Variants in C1orf21 observed in about 807,000 individuals in gnomAD.
C1orf21 encodes chromosome 1 open reading frame 21.
A neutral mutation model predicts 18.7 loss-of-function variants in C1orf21; 3 were observed. The observed-to-expected ratio is 0.16, with a 90% CI of 0.07 to 0.42. The LOEUF is 0.42. Among genes scored for constraint, C1orf21 ranks in the 10% least tolerant of loss-of-function variants. C1orf21 has a pLI of 0.99. For missense variants in C1orf21, 104 were observed against 143.6 expected (o/e 0.72, Z 1.41); for synonymous variants, 41 against 46.4 (o/e 0.88, Z 0.47).
intron 3 of C1orf21, among the ~76,000 whole-genome samples, chr1:184,510,167 A>G (rs545448911): frequency 2.6e-4 from 39 of 152,342 alleles, no homozygotes; most frequent in African/African-American, 8.4e-4. Flanking sequence ...AATACTTATT[A>G]TGTATTTATT....
rs1181540915 is a variant in C1orf21, at chr1:184,621,498, C to G, written c.*1942C>G. 1 of 152,574 alleles carries G rather than the reference C, an allele frequency of 6.6e-6. No homozygotes were observed. Among genetic ancestry groups the G allele is most frequent in the African/African-American group, 2.4e-5 (1 of 41,418 alleles). The allele number at this position is 152,574 out of a possible 1,614,324, so 9.5% of individuals were successfully genotyped here. On this transcript the variant is annotated 3_prime_UTR_variant, in exon 6 of 6. Transcript: ENST00000235307. ...CACAACTGTAAACAAACTGCTAAGCCCCACCTCAAACTTGTTCACTGGGGA... is the reference window on the plus strand; with the variant it reads ...CACAACTGTAAACAAACTGCTAAGCGCCACCTCAAACTTGTTCACTGGGGA...
chr1:184,442,260 GA>G (rs1446770008), intron 1 of C1orf21, among the ~76,000 whole-genome samples: 2 of 152,104 alleles, frequency 1.3e-5, no homozygotes, highest in African/African-American at 2.4e-5. Context: ...CATGATCATA[GA>G]ATCCAGGTTG....
In C1orf21 at chr1:184,544,378, A is replaced by G. The variant is rs77436039; in HGVS notation, c.189+36696A>G. On this transcript the variant is annotated intron_variant, in intron 3 of 5. Transcript: ENST00000235307. ...CTGTGCATTGCTGATGAAGCCTGGT[A>G]TGTGCCCCAAAGAACTTTTGAAATT... Among the ~76,000 whole-genome samples the G allele has an allele frequency of 5.0e-3, 754 of 152,240 alleles. 7 individuals carry two copies. Among genetic ancestry groups the G allele is most frequent in the African/African-American group, 0.017 (717 of 41,544 alleles).
intron 3 of C1orf21, chr1:184,566,906 C>T: frequency 2.0e-6 from 1 of 509,098 alleles, no homozygotes; most frequent in Non-Finnish European, 4.0e-6. Flanking sequence ...GTATTGTCTT[C>T]TCCATCCTAT....
chr1:184,488,700 C>G (rs1275316493), intron 2 of C1orf21, among the ~76,000 whole-genome samples: 1 of 152,224 alleles, frequency 6.6e-6, no homozygotes. Context: ...CACAGTGGCT[C>G]ACGCCTATAA....
intron 3 of C1orf21, among the ~76,000 whole-genome samples, chr1:184,586,887 G>GT (rs2101997364): frequency 6.6e-6 from 1 of 152,200 alleles, no homozygotes; most frequent in Admixed American, 6.5e-5. Context: ...TGTTGCCTAG[G>GT]TTGTCTTCCA....
chr1:184,506,892 A>G (rs974372104), intron 2 of C1orf21, among the ~76,000 whole-genome samples: 3 of 152,128 alleles, frequency 2.0e-5, no homozygotes, highest in Admixed American at 2.0e-4. Flanking sequence ...GCCTTGACTG[A>G]TGTACCTACC....
chr1:184,556,589 A>T (rs114672865), intron 3 of C1orf21, among the ~76,000 whole-genome samples: 2,413 of 152,316 alleles, frequency 0.016, 67 homozygotes, highest in African/African-American at 0.055. Context: ...TTTCAGATTT[A>T]TGTGGTCAAA....
At chr1:184,578,942 T>C (rs1659233131) in intron 3 of C1orf21, among the ~76,000 whole-genome samples, 1 of 151,552 alleles carries the variant, frequency 6.6e-6, no homozygotes, top group Non-Finnish European at 1.5e-5. Flanking sequence ...ATCCGTCATT[T>C]AGTCCATCAC....
chr1:184,479,671 G>A (rs1657624463), intron 2 of C1orf21, among the ~76,000 whole-genome samples: 1 of 144,198 alleles, frequency 6.9e-6, no homozygotes, highest in Non-Finnish European at 1.5e-5. Flanking sequence ...CTAGGCTGGA[G>A]TGCAGTGGTG....
chr1:184,412,052 G>A (rs1315993856), intron 1 of C1orf21: 1 of 152,174 alleles, frequency 6.6e-6, no homozygotes, highest in African/African-American at 2.4e-5. Context: ...GGATTCTGTG[G>A]CAAGGATTAC....
At chr1:184,612,948 TC>T (rs1470711553) in intron 5 of C1orf21, among the ~76,000 whole-genome samples, 5 of 152,192 alleles carry the variant, frequency 3.3e-5, no homozygotes, top group African/African-American at 1.2e-4. Context: ...TTTTTCCTTT[TC>T]CTTCCTTTTT....
At chr1:184,439,244 C>A (rs1264234513) in intron 1 of C1orf21, among the ~76,000 whole-genome samples, 1 of 151,928 alleles carries the variant, frequency 6.6e-6, no homozygotes, top group African/African-American at 2.4e-5. Context: ...CAAAACTGTT[C>A]TTTTTCTGTC....
At chr1:184,566,629 C>T in intron 3 of C1orf21, 1 of 380,322 alleles carries the variant, frequency 2.6e-6, no homozygotes, top group South Asian at 2.5e-5. Flanking sequence ...CCAGGTTGGT[C>T]ACAGCTCTTT....
At chr1:184,463,336 A>G (rs1473192921) in intron 1 of C1orf21, among the ~76,000 whole-genome samples, 1 of 152,050 alleles carries the variant, frequency 6.6e-6, no homozygotes, top group Non-Finnish European at 1.5e-5. Flanking sequence ...TTTCTCTTCT[A>G]TTCATAATTT....
At chr1:184,521,692 A>G (rs928249978) in intron 3 of C1orf21, among the ~76,000 whole-genome samples, 1 of 152,336 alleles carries the variant, frequency 6.6e-6, no homozygotes, top group East Asian at 1.9e-4. Context: ...ACATGTTACT[A>G]TACATTTGTC....
At chr1:184,422,883 C>T (rs571705285) in intron 1 of C1orf21, among the ~76,000 whole-genome samples, 9 of 152,280 alleles carry the variant, frequency 5.9e-5, no homozygotes, top group African/African-American at 1.9e-4. Context: ...ATGGACTGAA[C>T]GAATAAAATG....
At chr1:184,402,494 C>A (rs1009777207) in intron 1 of C1orf21, among the ~76,000 whole-genome samples, 1 of 151,842 alleles carries the variant, frequency 6.6e-6, no homozygotes, top group East Asian at 1.9e-4. Flanking sequence ...CATAGTGTTG[C>A]ATGCCTGAAG....
At chr1:184,559,517 T>TCCTTCCTTCCCC (rs1658926289) in intron 3 of C1orf21, among the ~76,000 whole-genome samples, 1 of 75,118 alleles carries the variant, frequency 1.3e-5, no homozygotes. Flanking sequence ...CTTCCTTCCT[T>TCCTTCCTTCCCC]CCTTCCTTCC....
Sources: allele counts gnomAD v4.1 joint callset (sites outside exome capture counted in the v4.1 genomes callset), GRCh38; gene constraint gnomAD v4.1.1; transcripts MANE v1.5; gene names NCBI Gene and HGNC (gene_info 2026-07-23, HGNC 2026-07-21).